IDUA: variants seen among roughly 807,000 people sequenced by gnomAD.
IDUA encodes iduronidase alpha-L-.
Under a neutral mutation model 68.9 loss-of-function variants are expected in IDUA, and 65 were observed. The observed-to-expected ratio is 0.94, with a 90% CI of 0.77 to 1.16. IDUA has a LOEUF of 1.16. Ranked by LOEUF, IDUA falls within the 50% of genes most tolerant of loss-of-function variation. The pLI is 0.00. For missense variants in IDUA, 1,046 were observed against 938.0 expected, an observed-to-expected ratio of 1.12 and a Z score of -1.50; for synonymous variants, 529 against 433.6, an observed-to-expected ratio of 1.22 and a Z score of -2.73.
Position 1,002,874 on chromosome 4 carries a change from C to T in IDUA, c.1332C>T (p.Asp444=), listed in dbSNP as rs545473192. The change falls in exon 9 of 14, where the codon GAC becomes GAT. Residue 444 remains aspartate, a synonymous_variant. Coordinates refer to ENST00000514224, the MANE Select transcript of IDUA (RefSeq NM_000203.5). ...WRAAVLIYAS[D]DTRAHPNRSV... ...CCGCGGTGCTGATCTACGCGAGCGA[C>T]GACACCCGCGCCCACCCCAACCGCA... 652 of 1,441,278 alleles carry T rather than the reference C, an allele frequency of 4.5e-4. 4 individuals are homozygous for T. The highest frequency in any genetic ancestry group is 3.4e-3 in the South Asian group (248 of 72,482). 89.3% of individuals were successfully genotyped at this position (1,441,278 alleles called of 1,614,324 possible). A position where few individuals can be genotyped will look rare whatever the true frequency, so the allele number is the denominator to read the frequency against.
rs1257511033 is a variant in IDUA, at chr4:1,004,334, C to T, written c.1903C>T (p.Pro635Ser). 2 of 1,611,810 alleles carry T rather than the reference C, an allele frequency of 1.2e-6. No homozygotes were observed. The highest frequency in any genetic ancestry group is 3.3e-5 in the Admixed American group (2 of 60,008). The change falls in exon 14 of 14, where the codon CCT becomes TCT. Residue 635 changes from proline (P) to serine (S), a missense_variant. Coordinates refer to ENST00000514224, the MANE Select transcript of IDUA (RefSeq NM_000203.5). The surrounding 1 kb of genome is among the most constrained non-coding windows in gnomAD (Gnocchi z 5.0). ...GGCCCGACCAGGCCCCTTCTCGGAC[C>T]CTGTGCCGTACCTGGAGGTCCCTGT... Reference protein sequence around the residue: ...YWARPGPFSDPVPYLEVPVPR... With the variant: ...YWARPGPFSDSVPYLEVPVPR...
At position 1,003,417 on chromosome 4, in the gene IDUA, C is replaced by T. The variant is rs374779600; in HGVS notation, c.1597C>T (p.Pro533Ser). The T allele has an allele frequency of 3.9e-6, 6 of 1,528,720 alleles. No homozygotes were observed. The East Asian group carries it at 1.5e-4, about 38-fold the overall frequency. The allele number at this position is 1,528,720 out of a possible 1,614,324, so 94.7% of individuals were successfully genotyped here. ...GACCCTGCGCCCCGCGCTGCGGCTG[C>T]CGTCGCTTTTGCTGGTGCACGTGTG... ...RLTLRPALRL[P>S]SLLLVHVCAR... Residue 533 changes from proline to serine, a missense_variant, in exon 11 of 14, where the codon CCG becomes TCG. By Grantham distance (74) the Pro-to-Ser change is moderately conservative. Transcript: ENST00000514224.
chr4:1,002,845 C>G lies in IDUA; in HGVS notation c.1303C>G (p.Arg435Gly), dbSNP rs1188900288. ...HRPQGPADAW[R>G]AAVLIYASDD... ...CCCCCAGGGCCCGGCCGACGCCTGG[C>G]GCGCCGCGGTGCTGATCTACGCGAG... is the stretch of plus-strand genomic sequence containing the variant. The change falls in exon 9 of 14, where the codon CGC becomes GGC. Residue 435 changes from arginine (R) to glycine (G), a missense_variant. Transcript: ENST00000514224. 3 of 1,453,158 alleles carry G rather than the reference C, an allele frequency of 2.1e-6. No individual in the cohort carries two copies. The Admixed American group carries it at 7.8e-5, about 38-fold the overall frequency. 90.0% of individuals were successfully genotyped at this position (1,453,158 alleles called of 1,614,324 possible). A position where few individuals can be genotyped will look rare whatever the true frequency, so the allele number is the denominator to read the frequency against.
Position 1,002,299 on chromosome 4 carries a change from G to A in IDUA, c.1003G>A (p.Ala335Thr). 1 of 1,612,748 alleles carries A rather than the reference G, an allele frequency of 6.2e-7. No individual in the cohort carries two copies. Among genetic ancestry groups the A allele is most frequent in the South Asian group, 1.1e-5 (1 of 91,022 alleles). ...CGCGCAGCATCAGAACCTGCTACTG[G>A]CCAACACCACCTCCGCCTTCCCCTA... ...VIAQHQNLLLANTTSAFPYAL... is the reference protein window; with the variant it reads ...VIAQHQNLLLTNTTSAFPYAL... Residue 335 changes from alanine to threonine, a missense_variant, in exon 8 of 14, where the codon GCC (alanine) becomes ACC (threonine). Transcript: ENST00000514224.
chr4:990,782 G>C lies in IDUA; in HGVS notation c.299+2833G>C, dbSNP rs529943994. On this transcript the variant is annotated intron_variant, in intron 2 of 13. Transcript: ENST00000514224. ...CCAAGGCAGGAGACCTTCGGGGGTGGGGAGGCCATCCCCCACTCCACCTAG... is the reference window on the plus strand; with the variant it reads ...CCAAGGCAGGAGACCTTCGGGGGTGCGGAGGCCATCCCCCACTCCACCTAG... 1.1e-3 allele frequency: 429 copies of C among 389,744 alleles called. 1 individual carries two copies. Among genetic ancestry groups the C allele is most frequent in the Non-Finnish European group, 1.6e-3 (347 of 216,438 alleles). The allele number at this position is 389,744 out of a possible 1,614,324, so 24.1% of individuals were successfully genotyped here.
At chr4:991,003 T>A in intron 2 of IDUA, 1 of 997,704 alleles carries the variant, frequency 1.0e-6, no homozygotes, top group Non-Finnish European at 1.4e-6. Context: ...GCCCAAGCCT[T>A]GCTGTCTTGG....
At chr4:1,002,597 G>A (rs1715164063) in intron 8 of IDUA, 112 bp downstream of exon 8, 5 of 1,209,586 alleles carry the variant, frequency 4.1e-6, no homozygotes, top group South Asian at 1.8e-5. Context: ...GCTTCCCGGG[G>A]TCGGCCTCCG....
chr4:991,416 C>T lies in IDUA; in HGVS notation c.299+3467C>T, dbSNP rs755783502. On this transcript the variant is annotated intron_variant, in intron 2 of 13. Transcript: ENST00000514224. ...ACGTATAGAGGCTGTAGATGGGCTG[C>T]AGCCCGGCCAGCAATGAGTAGGCGA... is the stretch of plus-strand genomic sequence containing the variant. 3.9e-5 allele frequency: 63 copies of T among 1,612,702 alleles called. 1 individual carries two copies. The South Asian group carries it at 6.6e-4, about 17-fold the overall frequency.
At chr4:1,000,809 T>C in intron 3 of IDUA, 73 bp from the exon 4 acceptor site, 2 of 1,502,084 alleles carry the variant, frequency 1.3e-6, no homozygotes, top group East Asian at 4.5e-5. Flanking sequence ...CTGGCCTTGG[T>C]GCCGGAGCAC....
intron 2 of IDUA, chr4:990,081 G>A: frequency 6.2e-7 from 1 of 1,600,072 alleles, no homozygotes; most frequent in African/African-American, 1.3e-5. Context: ...CCCTCAGGCG[G>A]TGTCGGTAGC....
Position 988,158 on chromosome 4 carries a change from G to A in IDUA, c.299+209G>A, listed in dbSNP as rs969123791. The A allele has an allele frequency of 4.3e-6, 6 of 1,399,278 alleles. 1 individual carries two copies. The highest frequency in any genetic ancestry group is 1.5e-5 in the African/African-American group (1 of 68,886). 86.7% of individuals were successfully genotyped at this position (1,399,278 alleles called of 1,614,324 possible). A position where few individuals can be genotyped will look rare whatever the true frequency, so the allele number is the denominator to read the frequency against. Reference sequence around the variant, plus strand: ...CATGGGGCACGGTGGGCTTCCTGCAGGTCTCCCTGCAGGCTCAGGGTTGGC... The same window carrying A: ...CATGGGGCACGGTGGGCTTCCTGCAAGTCTCCCTGCAGGCTCAGGGTTGGC... On this transcript the variant is annotated intron_variant, in intron 2 of 13. Transcript: ENST00000514224.
chr4:1,001,902 C>A (rs111406006), intron 6 of IDUA, 21 bp downstream of exon 6: 1 of 1,570,882 alleles, frequency 6.4e-7, no homozygotes, highest in South Asian at 1.2e-5. Flanking sequence ...CCCCTCCGTC[C>A]GCCCCGGTGT....
intron 3 of IDUA, 62 bp from the exon 4 acceptor site, chr4:1,000,820 A>C (rs1309112373): frequency 2.6e-6 from 4 of 1,518,662 alleles, no homozygotes; most frequent in Non-Finnish European, 3.7e-6. Flanking sequence ...GCCGGAGCAC[A>C]GGCCTGGCAG....
chr4:996,241 G>A (rs1714737196), intron 2 of IDUA, among the ~76,000 whole-genome samples: 1 of 152,346 alleles, frequency 6.6e-6, no homozygotes, highest in South Asian at 2.1e-4. Flanking sequence ...AGGCAGTCAC[G>A]CAGGGCCTCA....
Position 1,001,836 on chromosome 4 carries a change from T to G in IDUA, c.747T>G (p.Thr249=), listed in dbSNP as rs1239931045. The G allele has an allele frequency of 6.2e-7, 1 of 1,603,770 alleles. No individual in the cohort carries two copies. Among genetic ancestry groups the G allele is most frequent in the South Asian group, 1.1e-5 (1 of 89,842 alleles). ...RHCHDGTNFF[T]GEAGVRLDYI... ...GCCACGACGGTACCAACTTCTTCACTGGGGAGGCGGGCGTGCGGCTGGACT... is the reference window on the plus strand; with the variant it reads ...GCCACGACGGTACCAACTTCTTCACGGGGGAGGCGGGCGTGCGGCTGGACT... Residue 249 remains threonine, a synonymous_variant, in exon 6 of 14, where the codon ACT becomes ACG. Coordinates refer to ENST00000514224, the MANE Select transcript of IDUA (RefSeq NM_000203.5).
In IDUA at chr4:1,002,066, AC is replaced by A; in HGVS notation, c.882del (p.Ile295PhefsTer22). ...GCAGCTCTTCCCCAAGTTCGCGGACACCCCCATTTACAACGACGAGGCGGAC... is the reference window on the plus strand; with the variant it reads ...GCAGCTCTTCCCCAAGTTCGCGGACACCCCATTTACAACGACGAGGCGGAC... ...IRQLFPKFAD[T>X]PIYNDEADPL... On this transcript the variant is annotated frameshift_variant, in exon 7 of 14. Transcript: ENST00000514224. LOFTEE classifies it high-confidence loss of function. The A allele has an allele frequency of 6.3e-7, 1 of 1,591,076 alleles. No homozygotes were observed. The highest frequency in any genetic ancestry group is 1.8e-5 in the Admixed American group (1 of 55,944).
intron 2 of IDUA, among the ~76,000 whole-genome samples, chr4:994,390 C>G (rs1338096533): frequency 6.6e-6 from 1 of 151,988 alleles, no homozygotes; most frequent in African/African-American, 2.4e-5. Flanking sequence ...ATTCTCCTGC[C>G]TCAGCCTCCT....
chr4:1,003,936 C>T (rs2153023144), intron 12 of IDUA, 76 bp from the exon 13 acceptor site: 3 of 1,214,412 alleles, frequency 2.5e-6, no homozygotes, highest in East Asian at 4.6e-5. Context: ...TGTGGGTCCA[C>T]GCGGCCGTGC....
chr4:989,088 G>T, intron 2 of IDUA: 1 of 1,599,160 alleles, frequency 6.3e-7, no homozygotes, highest in Non-Finnish European at 8.5e-7. Context: ...ACAGCAGCGG[G>T]GCGCAGTCGA....
Sources: allele counts gnomAD v4.1 joint callset (sites outside exome capture counted in the v4.1 genomes callset), GRCh38; gene constraint gnomAD v4.1.1; non-coding constraint Gnocchi (gnomAD v3.1); transcripts MANE v1.5; gene names NCBI Gene and HGNC (gene_info 2026-07-23, HGNC 2026-07-21).